The following CADM2 variants were observed in gnomAD, a reference collection of about 807,000 sequenced individuals.
CADM2 encodes the protein cell adhesion molecule 2, also known as immunoglobulin superfamily member 4D.
In CADM2, 12 loss-of-function variants were observed where a neutral mutation model predicts 49.8. The ratio of observed to expected loss-of-function variants is 0.24; its 90% CI spans 0.15 to 0.39. The LOEUF is 0.39. CADM2 is among the 10% of genes least tolerant of loss of function. The pLI is 1.00. For synonymous variants in CADM2, 214 were observed against 175.4 expected (o/e 1.22, Z -1.74); for missense variants, 378 against 492.3 (o/e 0.77, Z 2.20).
chr3:85,114,993 C>A (rs2038591503), intron 1 of CADM2, among the ~76,000 whole-genome samples: 1 of 152,146 alleles, frequency 6.6e-6, no homozygotes, highest in Non-Finnish European at 1.5e-5. Context: ...AGCCCTTTTA[C>A]TATTCTCAAA....
intron 1 of CADM2, among the ~76,000 whole-genome samples, chr3:85,176,969 A>C (rs1171295180): frequency 1.3e-5 from 2 of 152,172 alleles, no homozygotes; most frequent in Non-Finnish European, 2.9e-5. Context: ...TGCAGGCATA[A>C]AGCTGTGGCC....
intron 1 of CADM2, among the ~76,000 whole-genome samples, chr3:85,519,652 T>G (rs1349648932): frequency 6.6e-6 from 1 of 152,146 alleles, no homozygotes; most frequent in Non-Finnish European, 1.5e-5. Context: ...TTTTTACATG[T>G]TTTAGTAAGT....
At chr3:85,819,679 C>A (rs2073431492) in intron 3 of CADM2, among the ~76,000 whole-genome samples, 1 of 152,074 alleles carries the variant, frequency 6.6e-6, no homozygotes, top group African/African-American at 2.4e-5. Flanking sequence ...AATTAATAGT[C>A]ATATTAATTC....
chr3:85,299,140 T>TA (rs1261339703), intron 1 of CADM2, among the ~76,000 whole-genome samples: 1 of 152,054 alleles, frequency 6.6e-6, no homozygotes, highest in Non-Finnish European at 1.5e-5. Flanking sequence ...AAGAAACAAA[T>TA]AAAAAATCAT....
At chr3:85,483,808 A>T (rs2039309712) in intron 1 of CADM2, among the ~76,000 whole-genome samples, 1 of 151,480 alleles carries the variant, frequency 6.6e-6, no homozygotes, top group Non-Finnish European at 1.5e-5. Flanking sequence ...TATATAATTC[A>T]TATTGTTACT....
chr3:85,968,126 G>A (rs1272690187), intron 8 of CADM2, among the ~76,000 whole-genome samples: 6 of 151,594 alleles, frequency 4.0e-5, no homozygotes, highest in African/African-American at 1.5e-4. Context: ...CTCTGGTTGA[G>A]AGTTTCCAGG....
chr3:85,945,991 C>T (rs1354933384), intron 7 of CADM2, among the ~76,000 whole-genome samples: 1 of 152,088 alleles, frequency 6.6e-6, no homozygotes, highest in Non-Finnish European at 1.5e-5. Flanking sequence ...GTCAAATTGT[C>T]CCTGTTTGCA....
At chr3:85,949,731 T>C (rs2108582898) in intron 7 of CADM2, among the ~76,000 whole-genome samples, 1 of 151,296 alleles carries the variant, frequency 6.6e-6, no homozygotes, top group East Asian at 1.9e-4. Context: ...GGTTTTAATA[T>C]TAGAAATGAA....
intron 1 of CADM2, among the ~76,000 whole-genome samples, chr3:85,355,619 C>T (rs2031790674): frequency 6.6e-6 from 1 of 152,022 alleles, no homozygotes; most frequent in Admixed American, 6.6e-5. Flanking sequence ...AGGGACAAAA[C>T]AATTGTAGAT....
At chr3:84,980,977 A>T (rs922948918) in intron 1 of CADM2, among the ~76,000 whole-genome samples, 2 of 151,588 alleles carry the variant, frequency 1.3e-5, no homozygotes, top group African/African-American at 2.4e-5. Flanking sequence ...TAATATAGGA[A>T]TTTTTTTTTA....
intron 1 of CADM2, among the ~76,000 whole-genome samples, chr3:85,696,370 G>GT (rs568738040): frequency 2.2e-4 from 34 of 151,852 alleles, no homozygotes; most frequent in African/African-American, 7.5e-4. Context: ...TTTCTCCTAA[G>GT]TTTTTTTTCT....
At chr3:85,695,808 A>T (rs995482342) in intron 1 of CADM2, among the ~76,000 whole-genome samples, 1 of 152,006 alleles carries the variant, frequency 6.6e-6, no homozygotes, top group Non-Finnish European at 1.5e-5. Context: ...TGGTAGATCT[A>T]TTTTAGTTCT....
chr3:85,533,258 T>C (rs1355782057), intron 1 of CADM2, among the ~76,000 whole-genome samples: 1 of 152,178 alleles, frequency 6.6e-6, no homozygotes, highest in Non-Finnish European at 1.5e-5. Context: ...ATTTCCTTTA[T>C]AAGCAAATTA....
At chr3:85,285,207 T>G (rs950089108) in intron 1 of CADM2, among the ~76,000 whole-genome samples, 3 of 152,084 alleles carry the variant, frequency 2.0e-5, no homozygotes, top group African/African-American at 7.2e-5. Flanking sequence ...CACACCCAAA[T>G]GGAAATATTG....
At chr3:85,180,880 A>T (rs908698985) in intron 1 of CADM2, among the ~76,000 whole-genome samples, 7 of 152,200 alleles carry the variant, frequency 4.6e-5, no homozygotes, top group African/African-American at 1.7e-4. Flanking sequence ...TTTGGCTGAC[A>T]TAGAGACGTG....
intron 6 of CADM2, 148 bp from the exon 7 acceptor site, chr3:85,935,619 A>T: frequency 2.5e-6 from 1 of 407,256 alleles, no homozygotes; most frequent in Non-Finnish European, 4.4e-6. Context: ...CACACACCTT[A>T]TTTTACCAAA....
At chr3:85,247,920 T>G (rs1442512694) in intron 1 of CADM2, among the ~76,000 whole-genome samples, 1 of 152,156 alleles carries the variant, frequency 6.6e-6, no homozygotes, top group Non-Finnish European at 1.5e-5. Flanking sequence ...GTTGAATATA[T>G]ATGAATAATT....
intron 1 of CADM2, among the ~76,000 whole-genome samples, chr3:85,486,902 A>T (rs367744433): frequency 6.6e-6 from 1 of 152,076 alleles, no homozygotes. Context: ...GTAAATCTTA[A>T]GTTTTACCTT....
At chr3:85,596,374 G>A (rs1477989956) in intron 1 of CADM2, among the ~76,000 whole-genome samples, 2 of 152,072 alleles carry the variant, frequency 1.3e-5, no homozygotes, top group East Asian at 3.9e-4. Context: ...TGATTTAACA[G>A]TGAATACTTT....
Sources: gnomAD v4.1 joint callset for allele counts (sites outside exome capture counted in the v4.1 genomes callset) on GRCh38, gnomAD v4.1.1 for gene constraint, MANE v1.5 for transcripts, NCBI Gene and HGNC (gene_info 2026-07-23, HGNC 2026-07-21) for gene names.